The following PCDHA8 variants were observed in gnomAD, a reference collection of about 807,000 sequenced individuals.
PCDHA8 encodes protocadherin alpha-8.
PCDHA8 carries 53 observed loss-of-function variants against 61.8 expected under a neutral mutation model. The ratio of observed to expected loss-of-function variants is 0.86; its 90% CI spans 0.69 to 1.08. The LOEUF (loss-of-function observed/expected upper bound fraction) is 1.08. PCDHA8 is among the 50% of genes least tolerant of loss of function. The pLI, the probability that PCDHA8 is intolerant of heterozygous loss-of-function variation, is 0.00. For synonymous variants in PCDHA8, 618 were observed against 556.6 expected (o/e 1.11, Z -1.55); for missense variants, 1,293 against 1,245.0 (o/e 1.04, Z -0.58).
chr5:141,006,436 A>G (rs2153987648), intron 3 of PCDHA8, among the ~76,000 whole-genome samples: 1 of 152,098 alleles, frequency 6.6e-6, no homozygotes, highest in African/African-American at 2.4e-5. Context: ...GATGGTCTCA[A>G]TCTCCTGACC....
chr5:140,859,888 A>T (rs2046074014), intron 1 of PCDHA8: 1 of 152,104 alleles, frequency 6.6e-6, no homozygotes. Context: ...TATTTTGAAA[A>T]AAAATCTTCC....
intron 1 of PCDHA8, among the ~76,000 whole-genome samples, chr5:140,888,663 T>C (rs1278510364): frequency 6.6e-6 from 1 of 152,194 alleles, no homozygotes; most frequent in Non-Finnish European, 1.5e-5. Context: ...CACCACCTAA[T>C]GCCCTGTGCA....
chr5:140,969,547 A>C, intron 1 of PCDHA8: 10 of 1,244,334 alleles, frequency 8.0e-6, no homozygotes, highest in Non-Finnish European at 9.8e-6. Flanking sequence ...AGAGGCATGA[A>C]GCCTTGTCCA....
Position 140,982,836 on chromosome 5 carries a change from T to C in PCDHA8, c.2542+273T>C, listed in dbSNP as rs2097010696. 2.6e-5 allele frequency among the ~76,000 whole-genome samples: 4 copies of C among 152,244 alleles called. No individual in the cohort carries two copies. The South Asian group carries it at 8.3e-4, about 32-fold the overall frequency. ...ATGAAGTTTTTGGGGTTTGTTTGTT[T>C]GTTTAAATCAGGTACCTTTCAAATG... On this transcript the variant is annotated intron_variant, in intron 3 of 3. Coordinates refer to ENST00000531613, the MANE Select transcript of PCDHA8 (RefSeq NM_018911.3).
Position 140,841,679 on chromosome 5 carries a change from G to A in PCDHA8, c.358G>A (p.Asp120Asn), listed in dbSNP as rs1554138418. Residue 120 changes from aspartate (D) to asparagine (N), a missense_variant, in exon 1 of 4, where the codon GAC (aspartate) becomes AAC (asparagine). Asp to Asn is a conservative substitution (Grantham distance 23). Transcript: ENST00000531613. ...CAGGCCGCTGCAGGTTTTCCATGTG[G>A]ACGTGGAGGTGAAGGATGTTAATGA... ...VDRPLQVFHVDVEVKDVNDNP... is the reference protein window; with the variant it reads ...VDRPLQVFHVNVEVKDVNDNP... 3 of 1,613,866 alleles carry A rather than the reference G, an allele frequency of 1.9e-6. No individual in the cohort carries two copies. The highest frequency in any genetic ancestry group is 1.1e-5 in the South Asian group (1 of 91,082).
At chr5:140,881,336 G>A in intron 1 of PCDHA8, 1 of 985,066 alleles carries the variant, frequency 1.0e-6, no homozygotes, top group Non-Finnish European at 1.2e-6. Context: ...CCAGGACGCC[G>A]ATTCGGGCTA....
chr5:140,870,186 C>T (rs1362653742), intron 1 of PCDHA8: 7 of 1,614,152 alleles, frequency 4.3e-6, no homozygotes, highest in Non-Finnish European at 5.9e-6. Flanking sequence ...TACGAGAGGA[C>T]GCTCAGCCCA....
At chr5:140,844,853 C>T (rs1215427504) in intron 1 of PCDHA8, among the ~76,000 whole-genome samples, 1 of 149,202 alleles carries the variant, frequency 6.7e-6, no homozygotes, top group Admixed American at 6.7e-5. Flanking sequence ...ACTGTTGGAC[C>T]TGCCTGGATA....
chr5:140,847,059 G>A (rs1780837481), intron 1 of PCDHA8, among the ~76,000 whole-genome samples: 1 of 149,712 alleles, frequency 6.7e-6, no homozygotes, highest in East Asian at 1.9e-4. Context: ...GACACAGAAA[G>A]CATCAATATG....
At chr5:140,983,461 A>G (rs1291305158) in intron 3 of PCDHA8, among the ~76,000 whole-genome samples, 1 of 152,238 alleles carries the variant, frequency 6.6e-6, no homozygotes, top group Non-Finnish European at 1.5e-5. Flanking sequence ...TTAATAGAAC[A>G]TCATGATGAT....
At chr5:140,863,712 G>A (rs2048130795) in intron 1 of PCDHA8, 1 of 282,034 alleles carries the variant, frequency 3.5e-6, no homozygotes, top group East Asian at 9.1e-5. Flanking sequence ...AAGTACACTG[G>A]GGCCGGGTGC....
intron 1 of PCDHA8, chr5:140,852,936 T>A: frequency 1.7e-6 from 1 of 599,096 alleles, no homozygotes; most frequent in Non-Finnish European, 2.2e-6. Flanking sequence ...TGGAGTGCAG[T>A]GGTGCCATCT....
At position 140,852,782 on chromosome 5, in the gene PCDHA8, A is replaced by T. The variant is rs2042471437; in HGVS notation, c.2394+9067A>T. ...GTATCTGATTATTTGATGTGAATAG[A>T]GGGATGCTACAGATGTCATTTGTCT... On this transcript the variant is annotated intron_variant, in intron 1 of 3. Transcript: ENST00000531613. 4 of 979,406 alleles carry T rather than the reference A, an allele frequency of 4.1e-6. No homozygotes were observed. In the South Asian group the frequency reaches 1.9e-4, roughly 47 times the overall value. 60.7% of individuals were successfully genotyped at this position (979,406 alleles called of 1,614,324 possible). A position where few individuals can be genotyped will look rare whatever the true frequency, so the allele number is the denominator to read the frequency against.
Position 140,841,535 on chromosome 5 carries a change from C to G in PCDHA8, c.214C>G (p.Arg72Gly), listed in dbSNP as rs146057065. ...RLFRVASKRH[R>G]DLLEVSLQNG... ...GTTCCGGGTGGCGTCCAAAAGACAC[C>G]GGGACCTTCTGGAGGTAAGTCTGCA... Residue 72 changes from arginine to glycine, a missense_variant, in exon 1 of 4, where the codon CGG (arginine) becomes GGG (glycine). Arg to Gly is a moderately radical substitution (Grantham distance 125). Transcript: ENST00000531613. 2.9e-4 allele frequency: 467 copies of G among 1,613,646 alleles called. 2 individuals are homozygous for G. The highest frequency in any genetic ancestry group is 2.5e-4 in the Admixed American group (15 of 60,006).
At chr5:140,883,030 C>T (rs1554176556) in intron 1 of PCDHA8, 1 of 1,614,058 alleles carries the variant, frequency 6.2e-7, no homozygotes, top group Non-Finnish European at 8.5e-7. Context: ...TGTTAGAGAA[C>T]GCCTTCAATG....
At chr5:140,903,166 T>C (rs758397398) in intron 1 of PCDHA8, among the ~76,000 whole-genome samples, 34 of 152,226 alleles carry the variant, frequency 2.2e-4, no homozygotes, top group Non-Finnish European at 2.5e-4. Context: ...TGTGCTGGTT[T>C]ACATTCCCAC....
intron 3 of PCDHA8, among the ~76,000 whole-genome samples, chr5:140,992,705 T>C (rs1291266922): frequency 6.6e-6 from 1 of 152,188 alleles, no homozygotes; most frequent in African/African-American, 2.4e-5. Flanking sequence ...GTAATGTTCC[T>C]GCCAGTATTC....
chr5:140,882,149 G>A (rs2058970957), intron 1 of PCDHA8: 2 of 1,501,900 alleles, frequency 1.3e-6, no homozygotes, highest in Middle Eastern at 4.3e-4. Flanking sequence ...ATAGCAGAAA[G>A]CGGAATACCT....
intron 1 of PCDHA8, among the ~76,000 whole-genome samples, chr5:140,941,764 A>T (rs116374830): frequency 2.0e-5 from 3 of 152,190 alleles, no homozygotes. Flanking sequence ...TGCTTTTAAG[A>T]TAATTGTTTT....
Sources: allele counts gnomAD v4.1 joint callset (sites outside exome capture counted in the v4.1 genomes callset), GRCh38; gene constraint gnomAD v4.1.1; transcripts MANE v1.5; gene names NCBI Gene and HGNC (gene_info 2026-07-23, HGNC 2026-07-21).